Variants in CLPTM1 observed in about 807,000 individuals in gnomAD.
CLPTM1 encodes putative lipid scramblase CLPTM1.
Under a neutral mutation model 77.3 loss-of-function variants are expected in CLPTM1, and 21 were observed. That is an observed-to-expected ratio of 0.27 (90% CI 0.19 to 0.39). The LOEUF (loss-of-function observed/expected upper bound fraction) is 0.39, where lower values mean the gene tolerates loss of function less well. Ranked by LOEUF, CLPTM1 falls within the 10% of genes least tolerant of loss-of-function variation. The probability of loss-of-function intolerance (pLI) is 1.00; values close to 1 mark genes in which losing one functional copy is unlikely to be tolerated. For missense variants in CLPTM1, 642 were observed against 921.2 expected (o/e 0.70, Z 3.92); for synonymous variants, 373 against 381.0 (o/e 0.98, Z 0.24).
chr19:44,956,295 A>G (rs1970463036), intron 1 of CLPTM1, among the ~76,000 whole-genome samples: 1 of 152,192 alleles, frequency 6.6e-6, no homozygotes, highest in African/African-American at 2.4e-5. Context: ...ACCTTGGGCA[A>G]GTTCCTTTCC....
rs1038284184 is a variant in CLPTM1 at position 44,987,732 on chromosome 19, A to T, written c.1038+309A>T. 7 of 542,846 alleles carry T rather than the reference A, an allele frequency of 1.3e-5. No individual in the cohort carries two copies. In the East Asian group the frequency reaches 2.2e-4, roughly 17 times the overall value. The allele number at this position is 542,846 out of a possible 1,614,324, so 33.6% of individuals were successfully genotyped here. ...TCCAACTCTGTGTCTCTGCCATCTC[A>T]CTGGGTCCTGAAATGTCAGCCTGTG... On this transcript the variant is annotated intron_variant, in intron 8 of 13. Transcript: ENST00000337392.
chr19:44,984,887 C>T (rs1970953948), intron 5 of CLPTM1, among the ~76,000 whole-genome samples: 2 of 152,120 alleles, frequency 1.3e-5, no homozygotes, highest in Non-Finnish European at 2.9e-5. Context: ...GGGGGTTTCA[C>T]CATGCTGGCC....
In CLPTM1 at chr19:44,993,265, C is replaced by A; in HGVS notation, c.*368C>A. 1 of 479,632 alleles carries A rather than the reference C, an allele frequency of 2.1e-6. No homozygotes were observed. Among genetic ancestry groups the A allele is most frequent in the Non-Finnish European group, 4.0e-6 (1 of 247,642 alleles). 29.7% of individuals were successfully genotyped at this position (479,632 alleles called of 1,614,324 possible). A position where few individuals can be genotyped will look rare whatever the true frequency, so the allele number is the denominator to read the frequency against. On this transcript the variant is annotated 3_prime_UTR_variant, in exon 14 of 14. Coordinates refer to ENST00000337392, the MANE Select transcript of CLPTM1 (RefSeq NM_001294.4). ...CATCTTGTCCCTCGTCCCCCTACCA[C>A]ACTCCCCCTCCTAGACCGCCGCCCT...
At chr19:44,982,304 G>A (rs774637396) in intron 5 of CLPTM1, among the ~76,000 whole-genome samples, 39 of 151,166 alleles carry the variant, frequency 2.6e-4, no homozygotes, top group Non-Finnish European at 4.1e-4. Flanking sequence ...AGCTGAAATC[G>A]TGCCACTGCA....
chr19:44,956,314 G>A (rs1277078713), intron 1 of CLPTM1, among the ~76,000 whole-genome samples: 1 of 152,140 alleles, frequency 6.6e-6, no homozygotes, highest in Non-Finnish European at 1.5e-5. Flanking sequence ...CCCTCTTTAG[G>A]CCTTTATCTC....
chr19:44,955,580 A>C, intron 1 of CLPTM1, 113 bp downstream of exon 1: 2 of 927,972 alleles, frequency 2.2e-6, no homozygotes, highest in Non-Finnish European at 2.7e-6. Context: ...CCTTGGCCAG[A>C]GGGACCTTGA....
At position 44,964,661 on chromosome 19, in the gene CLPTM1, A is replaced by G. The variant is rs73558168; in HGVS notation, c.185+2586A>G. Among the ~76,000 whole-genome samples, 745 of 152,154 alleles carry G rather than the reference A, an allele frequency of 4.9e-3. 4 individuals carry two copies. The highest frequency in any genetic ancestry group is 0.017 in the African/African-American group (694 of 41,524). ...GTCCTGTGGCATTAAGTACATCTCC[A>G]CTGTTGTGCCCCCATCACCATTATC... On this transcript the variant is annotated intron_variant, in intron 2 of 13. Transcript: ENST00000337392.
intron 1 of CLPTM1, among the ~76,000 whole-genome samples, chr19:44,960,354 T>C (rs1970526035): frequency 1.3e-5 from 2 of 152,170 alleles, no homozygotes; most frequent in African/African-American, 4.8e-5. Flanking sequence ...TGTGTTTCCT[T>C]CTAGATCCCC....
At chr19:44,978,925 C>A (rs1013780038) in intron 5 of CLPTM1, among the ~76,000 whole-genome samples, 1 of 151,480 alleles carries the variant, frequency 6.6e-6, no homozygotes, top group East Asian at 1.9e-4. Context: ...TAGCATTGTC[C>A]GTCCTCTTGT....
intron 7 of CLPTM1, 148 bp downstream of exon 7, chr19:44,986,723 C>T (rs1297099204): frequency 1.4e-5 from 14 of 1,032,434 alleles, no homozygotes; most frequent in Non-Finnish European, 1.8e-5. Flanking sequence ...ATCCCCTTCC[C>T]ATGTCCTCTC....
Position 44,986,482 on chromosome 19 carries a change from G to T in CLPTM1, c.700G>T (p.Val234Leu). ...KRAEDYGPVEVISHWHPNITI... is the reference protein window; with the variant it reads ...KRAEDYGPVELISHWHPNITI... ...GGCTGAGGACTATGGGCCTGTGGAG[G>T]TGATCTCCCATTGGCACCCCAACAT... The change falls in exon 7 of 14, where the codon GTG (valine) becomes TTG (leucine). Residue 234 changes from valine to leucine, a missense_variant. Around this residue, in one of 2 missense-constraint regions of CLPTM1, gnomAD observed 521 missense variants for 800.4 expected, o/e 0.65. Transcript: ENST00000337392. The T allele has an allele frequency of 6.2e-7, 1 of 1,614,112 alleles. No individual in the cohort carries two copies. Among genetic ancestry groups the T allele is most frequent in the Non-Finnish European group, 8.5e-7 (1 of 1,180,012 alleles).
chr19:44,984,848 G>C (rs1467139949), intron 5 of CLPTM1, among the ~76,000 whole-genome samples: 1 of 151,950 alleles, frequency 6.6e-6, no homozygotes, highest in African/African-American at 2.4e-5. Flanking sequence ...CACCACATCC[G>C]GCTGATTTTT....
intron 2 of CLPTM1, 149 bp from the exon 3 acceptor site, chr19:44,972,938 G>C (rs1970744834): frequency 9.4e-7 from 1 of 1,066,380 alleles, no homozygotes; most frequent in African/African-American, 1.6e-5. Context: ...CTCCTTGCCA[G>C]CCCTGTGACT....
At chr19:44,968,099 T>C (rs551051694) in intron 2 of CLPTM1, among the ~76,000 whole-genome samples, 3 of 152,336 alleles carry the variant, frequency 2.0e-5, no homozygotes, top group African/African-American at 7.2e-5. Context: ...CGTCAGTGCA[T>C]AGGGAGCTTC....
rs542800768 is a variant in CLPTM1 at position 44,955,490 on chromosome 19, G to A, written c.72+23G>A. 4.8e-4 allele frequency: 618 copies of A among 1,283,424 alleles called. 1 individual carries two copies. The highest frequency in any genetic ancestry group is 1.3e-3 in the South Asian group (41 of 32,290). 79.5% of individuals were successfully genotyped at this position (1,283,424 alleles called of 1,614,324 possible). The stretch of plus-strand genomic sequence containing the variant: ...CAGGTACGGAGGCCGAGAGGGGACT[G>A]AGGGGGTTCTTCCCCAGCCGGGGGG... On this transcript the variant is annotated intron_variant, in intron 1 of 13. Coordinates refer to ENST00000337392, the MANE Select transcript of CLPTM1 (RefSeq NM_001294.4).
At chr19:44,954,637 G>A, upstream of CLPTM1, 6 of 1,096,928 alleles carry the variant, frequency 5.5e-6, no homozygotes, top group Non-Finnish European at 6.7e-6. Context: ...GCTGTACGAA[G>A]ACACACAGCT....
At position 44,971,846 on chromosome 19, in the gene CLPTM1, G is replaced by GCTACACCTGACC. The variant is rs1970722622; in HGVS notation, c.186-1239_186-1228dup. 6.2e-5 allele frequency among the ~76,000 whole-genome samples: 9 copies of GCTACACCTGACC among 144,792 alleles called. No individual in the cohort carries two copies. In the South Asian group the frequency reaches 2.0e-3, roughly 31 times the overall value. The allele number at this position is 144,792 out of a possible 152,430, so 95.0% of individuals were successfully genotyped here. A position where few individuals can be genotyped will look rare whatever the true frequency, so the allele number is the denominator to read the frequency against. On this transcript the variant is annotated intron_variant, in intron 2 of 13. Transcript: ENST00000337392. ...AGTGCTGGGATTACAAGCATGAGCT[G>GCTACACCTGACC]CTACACCTGACCCAATTATACTTTT...
chr19:44,984,687 G>A (rs879329746), intron 5 of CLPTM1: 1 of 153,376 alleles, frequency 6.5e-6, no homozygotes, highest in Non-Finnish European at 1.5e-5. Context: ...TTGTTTGTTT[G>A]TTTTCTTTTT....
intron 2 of CLPTM1, among the ~76,000 whole-genome samples, chr19:44,970,660 G>T (rs150176722): frequency 1.4e-5 from 2 of 146,392 alleles, no homozygotes; most frequent in African/African-American, 5.4e-5. Flanking sequence ...GCCTCCCAGC[G>T]TGCTGGGGTT....
Sources: allele counts gnomAD v4.1 joint callset (sites outside exome capture counted in the v4.1 genomes callset), GRCh38; gene constraint gnomAD v4.1.1; regional missense constraint gnomAD v4.1.1; transcripts MANE v1.5; gene names NCBI Gene and HGNC (gene_info 2026-07-23, HGNC 2026-07-21).